The following PTBP2 variants were observed in gnomAD, a reference collection of about 807,000 sequenced individuals.
The protein encoded by PTBP2 is polypyrimidine tract-binding protein 2.
Under a neutral mutation model 61.4 loss-of-function variants are expected in PTBP2, and 13 were observed. The ratio of observed to expected loss-of-function variants is 0.21; its 90% CI spans 0.14 to 0.34. PTBP2 has a LOEUF of 0.34. PTBP2 is among the 10% of genes least tolerant of loss of function. The probability of loss-of-function intolerance (pLI) is 1.00; values close to 1 mark genes in which losing one functional copy is unlikely to be tolerated. For synonymous variants in PTBP2, 215 were observed against 218.5 expected (o/e 0.98, Z 0.14); for missense variants, 405 against 642.6 (o/e 0.63, Z 4.00).
intron 8 of PTBP2, among the ~76,000 whole-genome samples, chr1:96,802,940 A>G (rs138939980): frequency 3.9e-5 from 6 of 152,302 alleles, no homozygotes; most frequent in East Asian, 3.9e-4. Flanking sequence ...TAGTATTACA[A>G]TATGGGGAGG....
chr1:96,788,135 T>G (rs1300774837), intron 8 of PTBP2, among the ~76,000 whole-genome samples: 3 of 152,174 alleles, frequency 2.0e-5, no homozygotes, highest in East Asian at 3.8e-4. Flanking sequence ...TAGTTTACAA[T>G]CTTTAAATGT....
intron 2 of PTBP2, among the ~76,000 whole-genome samples, chr1:96,739,442 A>G (rs1652679733): frequency 6.6e-6 from 1 of 152,026 alleles, no homozygotes; most frequent in South Asian, 2.1e-4. Flanking sequence ...GAAACTCTAT[A>G]CTGATTTTAA....
chr1:96,742,947 CCTTTT>C (rs1195063357), intron 2 of PTBP2, among the ~76,000 whole-genome samples: 1 of 152,032 alleles, frequency 6.6e-6, no homozygotes, highest in Non-Finnish European at 1.5e-5. Context: ...ATTTTTCTTG[CCTTTT>C]CTTTTTTGTT....
chr1:96,766,751 T>G (rs967769351), intron 3 of PTBP2, among the ~76,000 whole-genome samples: 4 of 152,142 alleles, frequency 2.6e-5, no homozygotes, highest in African/African-American at 9.7e-5. Flanking sequence ...GAGTGTCAGG[T>G]AGTGTAAATG....
chr1:96,722,198 C>G (rs1202866322), intron 1 of PTBP2, among the ~76,000 whole-genome samples: 1 of 152,084 alleles, frequency 6.6e-6, no homozygotes, highest in Non-Finnish European at 1.5e-5. Flanking sequence ...TCCCTGCCCC[C>G]TCTAGGAGCC....
intron 7 of PTBP2, among the ~76,000 whole-genome samples, chr1:96,781,049 TAGTGTGTGTCAAACTGAA>T (rs1444413500): frequency 1.3e-5 from 2 of 152,038 alleles, no homozygotes; most frequent in African/African-American, 4.8e-5. Context: ...CTCAAGGTAG[TAGTGTGTGTCAAACTGAA>T]ATCAGCATAC....
At chr1:96,818,593 GT>G (rs1182119601), downstream of PTBP2, 1 of 152,040 alleles carries the variant, frequency 6.6e-6, no homozygotes, top group Non-Finnish European at 1.5e-5. Context: ...TAGAAACTCA[GT>G]CTATGAGCCT....
intron 3 of PTBP2, among the ~76,000 whole-genome samples, chr1:96,767,802 C>T (rs562255685): frequency 1.6e-4 from 24 of 152,174 alleles, no homozygotes; most frequent in African/African-American, 5.5e-4. Flanking sequence ...GTGCCCTGTG[C>T]GCACACAAAT....
chr1:96,776,365 CTA>C (rs67517456), intron 5 of PTBP2, among the ~76,000 whole-genome samples: 30,853 of 151,708 alleles, frequency 0.2, 3,312 homozygotes, highest in African/African-American at 0.27. Flanking sequence ...CTAAAATAAT[CTA>C]TCACATTTCA....
chr1:96,730,035 A>G (rs1460650197), intron 2 of PTBP2, among the ~76,000 whole-genome samples: 2 of 152,060 alleles, frequency 1.3e-5, no homozygotes, highest in East Asian at 1.9e-4. Context: ...CCATGATACT[A>G]CATTTTTACA....
intron 7 of PTBP2, among the ~76,000 whole-genome samples, chr1:96,783,878 A>G (rs1227562957): frequency 6.6e-6 from 1 of 152,076 alleles, no homozygotes; most frequent in Admixed American, 6.6e-5. Context: ...TGTAATTCAA[A>G]TCCTGATGTG....
At chr1:96,812,307 G>A (rs553226666) in intron 11 of PTBP2, among the ~76,000 whole-genome samples, 183 of 152,236 alleles carry the variant, frequency 1.2e-3, no homozygotes, top group African/African-American at 4.4e-3. Context: ...TAATGTCAGC[G>A]AGAAGTAGAG....
intron 8 of PTBP2, among the ~76,000 whole-genome samples, chr1:96,786,033 A>G (rs1004973061): frequency 4.6e-5 from 7 of 152,170 alleles, no homozygotes; most frequent in African/African-American, 1.7e-4. Context: ...GATTTCTAGT[A>G]TTGGTAAGAT....
intron 2 of PTBP2, among the ~76,000 whole-genome samples, chr1:96,741,039 C>T (rs751144271): frequency 5.9e-5 from 9 of 151,438 alleles, no homozygotes; most frequent in East Asian, 1.9e-4. Flanking sequence ...ATACTGTTAG[C>T]GCTGCATGTA....
At chr1:96,744,931 T>C (rs986245515) in intron 2 of PTBP2, among the ~76,000 whole-genome samples, 5 of 152,210 alleles carry the variant, frequency 3.3e-5, no homozygotes, top group African/African-American at 1.2e-4. Flanking sequence ...CTTATTGTCA[T>C]GTTTTATGTC....
intron 8 of PTBP2, among the ~76,000 whole-genome samples, chr1:96,802,353 A>G (rs1429074704): frequency 6.6e-6 from 1 of 152,146 alleles, no homozygotes; most frequent in Non-Finnish European, 1.5e-5. Context: ...AGACAATTAT[A>G]GTTAAATAAG....
chr1:96,793,437 T>G (rs958504771), intron 8 of PTBP2, among the ~76,000 whole-genome samples: 1 of 152,188 alleles, frequency 6.6e-6, no homozygotes, highest in African/African-American at 2.4e-5. Context: ...TGGCGGGATC[T>G]CTGCTCACTG....
downstream of PTBP2, chr1:96,817,264 TA>T (rs1419787454): frequency 2.0e-5 from 3 of 152,110 alleles, no homozygotes; most frequent in Admixed American, 6.6e-5. Context: ...CTGGCTGCCT[TA>T]ATATATTAAA....
At chr1:96,797,982 A>G (rs1313759208) in intron 8 of PTBP2, among the ~76,000 whole-genome samples, 1 of 151,696 alleles carries the variant, frequency 6.6e-6, no homozygotes, top group East Asian at 1.9e-4. Context: ...AGGCTGACGC[A>G]GGAGAAAGGC....
Sources: allele counts gnomAD v4.1 joint callset (sites outside exome capture counted in the v4.1 genomes callset), GRCh38; gene constraint gnomAD v4.1.1; transcripts MANE v1.5; gene names NCBI Gene and HGNC (gene_info 2026-07-23, HGNC 2026-07-21).